CPNE4: variants seen among roughly 807,000 people sequenced by gnomAD.
The protein encoded by CPNE4 is copine 4.
In CPNE4, 25 loss-of-function variants were observed where a neutral mutation model predicts 67.9. That is an observed-to-expected ratio of 0.37 (90% CI 0.27 to 0.51). The LOEUF (loss-of-function observed/expected upper bound fraction) is 0.51. Among genes scored for constraint, CPNE4 ranks in the 20% least tolerant of loss-of-function variants. The pLI is 0.93. For synonymous variants in CPNE4, 242 were observed against 244.9 expected, an observed-to-expected ratio of 0.99 and a Z score of 0.11; for missense variants, 464 against 690.8, an observed-to-expected ratio of 0.67 and a Z score of 3.68.
At chr3:131,825,646 T>C (rs1050658258) in intron 2 of CPNE4, among the ~76,000 whole-genome samples, 2 of 152,100 alleles carry the variant, frequency 1.3e-5, no homozygotes, top group Non-Finnish European at 2.9e-5. Flanking sequence ...CTGAAAAAGA[T>C]TTGAGCCAGA....
chr3:131,622,018 C>CCAA (rs1940499750), intron 7 of CPNE4, among the ~76,000 whole-genome samples: 1 of 58,038 alleles, frequency 1.7e-5, no homozygotes, highest in African/African-American at 5.3e-5. Flanking sequence ...GACCCTGTCT[C>CCAA]AAAAAAAAAA....
intron 3 of CPNE4, among the ~76,000 whole-genome samples, chr3:131,705,111 C>T (rs1343777566): frequency 6.9e-6 from 1 of 144,284 alleles, no homozygotes; most frequent in Non-Finnish European, 1.5e-5. Flanking sequence ...ACTTGCTCTT[C>T]TTTCCCTTCA....
At chr3:131,765,713 T>C (rs1326164941) in intron 2 of CPNE4, among the ~76,000 whole-genome samples, 5 of 151,976 alleles carry the variant, frequency 3.3e-5, no homozygotes, top group Non-Finnish European at 7.4e-5. Flanking sequence ...AAAAAATGAA[T>C]TTGAAAGACA....
rs1030678270 is a variant in CPNE4 at position 131,931,882 on chromosome 3, AATATT to A, written c.-1-26443_-1-26439del. Among the ~76,000 whole-genome samples the A allele has an allele frequency of 3.9e-5, 6 of 152,140 alleles. No homozygotes were observed. The East Asian group carries it at 1.2e-3, about 29-fold the overall frequency. ...GTGCTATAAGGTACTCGCCAGTTCT[AATATT>A]ATATTATTCTAAGAAAGAGAAAACA... On this transcript the variant is annotated intron_variant, in intron 1 of 15. Transcript: ENST00000429747.
chr3:131,915,439 G>T lies in CPNE4; in HGVS notation c.-1-9995C>A, dbSNP rs114222996. Among the ~76,000 whole-genome samples the T allele has an allele frequency of 8.9e-3, 1,354 of 152,242 alleles. 19 individuals are homozygous for T. The highest frequency in any genetic ancestry group is 0.03 in the African/African-American group (1,261 of 41,524). On this transcript the variant is annotated intron_variant, in intron 1 of 15. Coordinates refer to ENST00000429747, the MANE Select transcript of CPNE4 (RefSeq NM_130808.3). ...ACAAGTTGAGGGTCTAAGAACTTAA[G>T]GTCCCTCCTCTGATTATTTCAAACA... is the stretch of plus-strand genomic sequence containing the variant.
chr3:131,731,649 C>T (rs1560200141), intron 2 of CPNE4, among the ~76,000 whole-genome samples: 1 of 152,130 alleles, frequency 6.6e-6, no homozygotes, highest in Admixed American at 6.5e-5. Context: ...TGTCACTGTC[C>T]TAGTGCTGTG....
At chr3:131,547,499 A>AAAAAAAAAC in intron 14 of CPNE4, among the ~76,000 whole-genome samples, 1 of 114,410 alleles carries the variant, frequency 8.7e-6, no homozygotes, top group African/African-American at 3.7e-5. Flanking sequence ...AAAAAAAAAA[A>AAAAAAAAAC]AACCTAATAG....
At chr3:131,541,398 C>A (rs1935478202) in intron 15 of CPNE4, among the ~76,000 whole-genome samples, 1 of 152,096 alleles carries the variant, frequency 6.6e-6, no homozygotes, top group South Asian at 2.1e-4. Flanking sequence ...TTTTCTATGT[C>A]ATACTAGAGC....
chr3:131,773,351 A>ATTTAT (rs1553768675), intron 2 of CPNE4, among the ~76,000 whole-genome samples: 12 of 151,406 alleles, frequency 7.9e-5, no homozygotes, highest in African/African-American at 1.7e-4. Context: ...AGTTTTATTT[A>ATTTAT]TTATTTATTT....
chr3:131,806,305 C>T (rs186800473), intron 2 of CPNE4, among the ~76,000 whole-genome samples: 24 of 152,244 alleles, frequency 1.6e-4, no homozygotes, highest in African/African-American at 5.5e-4. Context: ...AATCCCAGCA[C>T]TTTGGGAGCC....
intron 7 of CPNE4, among the ~76,000 whole-genome samples, chr3:131,623,262 C>A (rs1188897684): frequency 6.6e-6 from 1 of 151,616 alleles, no homozygotes; most frequent in Non-Finnish European, 1.5e-5. Flanking sequence ...TATTTTTATG[C>A]AACAAGACAG....
chr3:131,981,773 T>TAG (rs546807773), intron 1 of CPNE4, among the ~76,000 whole-genome samples: 38 of 152,312 alleles, frequency 2.5e-4, no homozygotes, highest in African/African-American at 8.9e-4. Flanking sequence ...CTGCTTCCTC[T>TAG]ACCCCTGTAT....
intron 7 of CPNE4, among the ~76,000 whole-genome samples, chr3:131,657,691 C>T (rs561223513): frequency 2.5e-3 from 355 of 142,390 alleles, no homozygotes; most frequent in Admixed American, 5.2e-3. Context: ...CGTGCCACCA[C>T]GTCCAGCTAA....
intron 2 of CPNE4, among the ~76,000 whole-genome samples, chr3:131,788,010 T>C (rs979739711): frequency 5.3e-5 from 8 of 152,114 alleles, no homozygotes; most frequent in Admixed American, 5.2e-4. Context: ...TCAAAATGAA[T>C]GGCGAATGTA....
intron 2 of CPNE4, among the ~76,000 whole-genome samples, chr3:131,751,791 G>GTTTGTTTTTTTGTTTGTTTT (rs2082635291): frequency 6.7e-6 from 1 of 149,286 alleles, no homozygotes. Context: ...TTGTTTGTTT[G>GTTTGTTTTTTTGTTTGTTTT]TTTGTTTTTT....
chr3:131,995,368 C>T (rs996571733), intron 1 of CPNE4, among the ~76,000 whole-genome samples: 1 of 152,112 alleles, frequency 6.6e-6, no homozygotes, highest in Admixed American at 6.6e-5. Context: ...TCATGTGTCT[C>T]TAAAAGATAA....
At chr3:131,536,326 C>A (rs926587825) in intron 15 of CPNE4, among the ~76,000 whole-genome samples, 2 of 152,184 alleles carry the variant, frequency 1.3e-5, no homozygotes, top group Non-Finnish European at 2.9e-5. Flanking sequence ...CATACATGGA[C>A]TCTGGAGTCA....
intron 2 of CPNE4, among the ~76,000 whole-genome samples, chr3:131,804,956 G>T (rs1001104855): frequency 9.2e-5 from 14 of 152,212 alleles, no homozygotes; most frequent in African/African-American, 3.1e-4. Flanking sequence ...GTGAGTTAAA[G>T]AAATGGTGTT....
intron 2 of CPNE4, among the ~76,000 whole-genome samples, chr3:131,860,697 G>A (rs2086640936): frequency 6.6e-6 from 1 of 150,966 alleles, no homozygotes; most frequent in Non-Finnish European, 1.5e-5. Context: ...TTTTTTATCT[G>A]GAAATAGGGG....
Sources: allele counts gnomAD v4.1 joint callset (sites outside exome capture counted in the v4.1 genomes callset), GRCh38; gene constraint gnomAD v4.1.1; transcripts MANE v1.5; gene names NCBI Gene and HGNC (gene_info 2026-07-23, HGNC 2026-07-21).